The following BCHE variants were observed in gnomAD, a reference collection of about 807,000 sequenced individuals.
The protein encoded by BCHE is cholinesterase.
A neutral mutation model predicts 51.3 loss-of-function variants in BCHE; 48 were observed. The observed-to-expected ratio is 0.94, with a 90% CI of 0.74 to 1.19. BCHE has a LOEUF of 1.19. Ranked by LOEUF, BCHE falls within the 50% of genes most tolerant of loss-of-function variation. The pLI, the probability that BCHE is intolerant of heterozygous loss-of-function variation, is 0.00. For missense variants in BCHE, 847 were observed against 708.2 expected (o/e 1.20, Z -2.23); for synonymous variants, 251 against 238.0 (o/e 1.05, Z -0.50).
At position 165,829,973 on chromosome 3, in the gene BCHE, C is replaced by A; in HGVS notation, c.1061G>T (p.Gly354Val). Residue 354 changes from glycine (G) to valine (V), a missense_variant, in exon 2 of 4, where the codon GGG (glycine) becomes GTG (valine). Transcript: ENST00000264381. ...QILVGVNKDE[G>V]TAFLVYGAPG... is the part of the protein sequence containing the mutation. ...AGCACCATAGACTAAAAAAGCTGTC[C>A]CTTCATCTTTATTAACACCCACCAA... is the stretch of plus-strand genomic sequence containing the variant. The A allele has an allele frequency of 6.2e-7, 1 of 1,613,640 alleles. No homozygotes were observed. The highest frequency in any genetic ancestry group is 1.1e-5 in the South Asian group (1 of 91,064).
intron 1 of BCHE, among the ~76,000 whole-genome samples, chr3:165,835,477 G>T (rs1158420465): frequency 6.6e-6 from 1 of 151,454 alleles, no homozygotes; most frequent in Non-Finnish European, 1.5e-5. Context: ...ATTTCTACTT[G>T]GAAATAAACC....
intron 2 of BCHE, among the ~76,000 whole-genome samples, chr3:165,796,075 A>G (rs1369555599): frequency 6.6e-6 from 1 of 152,092 alleles, no homozygotes; most frequent in African/African-American, 2.4e-5. Context: ...AAGAAGACTT[A>G]TTTTCATCCA....
intron 3 of BCHE, among the ~76,000 whole-genome samples, chr3:165,783,575 C>A (rs1486218346): frequency 1.3e-5 from 2 of 152,004 alleles, no homozygotes; most frequent in Non-Finnish European, 2.9e-5. Flanking sequence ...GGTATTTTGG[C>A]CCTTAAATTT....
chr3:165,825,331 T>C (rs1714678474), intron 2 of BCHE, among the ~76,000 whole-genome samples: 2 of 15,592 alleles, frequency 1.3e-4, no homozygotes, highest in Non-Finnish European at 4.2e-4. Flanking sequence ...TTCACAGATA[T>C]GAATGTAAAT....
intron 3 of BCHE, among the ~76,000 whole-genome samples, chr3:165,782,230 T>A (rs1712734729): frequency 1.3e-5 from 2 of 152,240 alleles, no homozygotes; most frequent in Non-Finnish European, 2.9e-5. Context: ...AACTCAGTAA[T>A]ATGAATGATT....
At chr3:165,837,183 C>T in intron 1 of BCHE, 131 bp downstream of exon 1, 1 of 468,142 alleles carries the variant, frequency 2.1e-6, no homozygotes, top group Non-Finnish European at 3.6e-6. Context: ...CATTTGCAAG[C>T]TTCAGTAACT....
chr3:165,835,997 G>A (rs987481715), intron 1 of BCHE, among the ~76,000 whole-genome samples: 1 of 151,786 alleles, frequency 6.6e-6, no homozygotes, highest in African/African-American at 2.4e-5. Flanking sequence ...TACTTATCAA[G>A]AAATGACTCG....
In BCHE at chr3:165,830,074, C is replaced by A. The variant is rs368885671; in HGVS notation, c.960G>T (p.Pro320=). The A allele has an allele frequency of 1.2e-6, 2 of 1,613,534 alleles. No individual in the cohort carries two copies. Among genetic ancestry groups the A allele is most frequent in the Non-Finnish European group, 8.5e-7 (1 of 1,179,790 alleles). The change falls in exon 2 of 4, where the codon CCG becomes CCT. Residue 320 remains proline (P), a synonymous_variant. Transcript: ENST00000264381. ...CAGTGAGAAAATCACCATCCACGGT[C>A]GGACCAAAGTTTACTGACAAAGGAG... ...YGTPLSVNFG[P]TVDGDFLTDM...
At chr3:165,833,861 C>A (rs73028253) in intron 1 of BCHE, among the ~76,000 whole-genome samples, 2,511 of 152,136 alleles carry the variant, frequency 0.017, 58 homozygotes, top group African/African-American at 0.057. Flanking sequence ...TTGGGCGGTT[C>A]GTTCTAAGCT....
At chr3:165,776,689 A>G (rs556872853) in intron 3 of BCHE, among the ~76,000 whole-genome samples, 5 of 151,914 alleles carry the variant, frequency 3.3e-5, no homozygotes, top group African/African-American at 1.2e-4. Flanking sequence ...TATAGTGGTA[A>G]CATTTTGTGT....
intron 2 of BCHE, among the ~76,000 whole-genome samples, chr3:165,821,766 A>G (rs1335955073): frequency 2.0e-5 from 3 of 151,908 alleles, no homozygotes; most frequent in Non-Finnish European, 4.4e-5. Flanking sequence ...TAGTAAAAAG[A>G]TGAATATCTA....
At chr3:165,806,022 ATG>A (rs1713853048) in intron 2 of BCHE, among the ~76,000 whole-genome samples, 1 of 152,002 alleles carries the variant, frequency 6.6e-6, no homozygotes, top group Non-Finnish European at 1.5e-5. Flanking sequence ...GAACACGACC[ATG>A]TGTCTCCTCT....
intron 2 of BCHE, among the ~76,000 whole-genome samples, chr3:165,808,158 T>G (rs1713939877): frequency 6.6e-6 from 1 of 152,008 alleles, no homozygotes; most frequent in Non-Finnish European, 1.5e-5. Context: ...TAATTTTTGG[T>G]ATTTTTTTAG....
intron 3 of BCHE, among the ~76,000 whole-genome samples, chr3:165,776,762 A>T (rs1027105237): frequency 4.0e-5 from 6 of 151,722 alleles, no homozygotes; most frequent in Non-Finnish European, 8.9e-5. Flanking sequence ...ATTATATTTT[A>T]TAAAGAAAAA....
chr3:165,785,714 A>T (rs1712919709), intron 3 of BCHE, among the ~76,000 whole-genome samples: 1 of 151,590 alleles, frequency 6.6e-6, no homozygotes, highest in African/African-American at 2.4e-5. Context: ...TTCTCCATTT[A>T]AATCAAGGTT....
intron 2 of BCHE, among the ~76,000 whole-genome samples, chr3:165,816,178 AC>A (rs1714307975): frequency 6.6e-6 from 1 of 151,668 alleles, no homozygotes; most frequent in Non-Finnish European, 1.5e-5. Context: ...TCTCTTTGCT[AC>A]CTGTCTCTTG....
chr3:165,773,276 T>C lies in BCHE; in HGVS notation c.*106A>G, dbSNP rs1309130168. On this transcript the variant is annotated 3_prime_UTR_variant, in exon 4 of 4. Coordinates refer to ENST00000264381, the MANE Select transcript of BCHE (RefSeq NM_000055.4). ...AATCAATATTATCCTTCTGGCATTT[T>C]TGTTTCAGCTACATAATAACTTTTT... is the stretch of plus-strand genomic sequence containing the variant. The C allele has an allele frequency of 9.2e-7, 1 of 1,089,690 alleles. No individual in the cohort carries two copies. The highest frequency in any genetic ancestry group is 2.4e-5 in the Admixed American group (1 of 41,988). 67.5% of individuals were successfully genotyped at this position (1,089,690 alleles called of 1,614,324 possible). A position where few individuals can be genotyped will look rare whatever the true frequency, so the allele number is the denominator to read the frequency against.
intron 2 of BCHE, among the ~76,000 whole-genome samples, chr3:165,800,903 A>T (rs1439901214): frequency 1.3e-5 from 2 of 152,210 alleles, no homozygotes; most frequent in Admixed American, 6.5e-5. Flanking sequence ...TGATTAATAG[A>T]TATTAATTTA....
intron 3 of BCHE, among the ~76,000 whole-genome samples, chr3:165,785,605 T>A (rs1001127017): frequency 6.6e-6 from 1 of 151,716 alleles, no homozygotes; most frequent in African/African-American, 2.4e-5. Flanking sequence ...CATATCATAT[T>A]ATGTAATGTG....
Sources: gnomAD v4.1 joint callset for allele counts (sites outside exome capture counted in the v4.1 genomes callset) on GRCh38, gnomAD v4.1.1 for gene constraint, MANE v1.5 for transcripts, NCBI Gene and HGNC (gene_info 2026-07-23, HGNC 2026-07-21) for gene names.